SIPA1L1: variants seen among roughly 807,000 people sequenced by gnomAD.
The protein encoded by SIPA1L1 is signal induced proliferation associated 1 like 1.
In SIPA1L1, 26 loss-of-function variants were observed where a neutral mutation model predicts 162.7. That is an observed-to-expected ratio of 0.16 (90% CI 0.12 to 0.22). The LOEUF is 0.22. Among genes scored for constraint, SIPA1L1 ranks in the 10% least tolerant of loss-of-function variants. The pLI, the probability that SIPA1L1 is intolerant of heterozygous loss-of-function variation, is 1.00. For missense variants in SIPA1L1, 1,874 were observed against 2,241.0 expected, an observed-to-expected ratio of 0.84 and a Z score of 3.31; for synonymous variants, 829 against 837.4, an observed-to-expected ratio of 0.99 and a Z score of 0.17.
At chr14:71,610,394 A>G (rs539530393) in intron 5 of SIPA1L1, among the ~76,000 whole-genome samples, 2 of 152,344 alleles carry the variant, frequency 1.3e-5, no homozygotes, top group East Asian at 3.9e-4. Flanking sequence ...TGCTCTTAAG[A>G]AAGCTTAGAC....
intron 2 of SIPA1L1, among the ~76,000 whole-genome samples, chr14:71,355,696 G>T (rs1456826593): frequency 6.6e-6 from 1 of 152,230 alleles, no homozygotes; most frequent in Admixed American, 6.5e-5. Flanking sequence ...CATGGCAGAG[G>T]TGATGAAATT....
In SIPA1L1 at chr14:71,685,700, C is replaced by G; in HGVS notation, c.3374+69C>G. 4 of 1,562,412 alleles carry G rather than the reference C, an allele frequency of 2.6e-6. No homozygotes were observed. In the Admixed American group the frequency reaches 7.4e-5, roughly 29 times the overall value. On this transcript the variant is annotated intron_variant, in intron 13 of 23. Coordinates refer to ENST00000381232, the MANE Select transcript of SIPA1L1 (RefSeq NM_001386936.1). Reference sequence around the variant, plus strand: ...AATGTAAGTAACACAGACCCATAAGCACTAGTTTTAGGCCTTCTCATATTT... The same window carrying G: ...AATGTAAGTAACACAGACCCATAAGGACTAGTTTTAGGCCTTCTCATATTT...
At chr14:71,676,069 C>T (rs2045138332) in intron 12 of SIPA1L1, among the ~76,000 whole-genome samples, 1 of 134,012 alleles carries the variant, frequency 7.5e-6, no homozygotes, top group South Asian at 2.7e-4. Flanking sequence ...CCAGCCTGAG[C>T]AACATGGTGA....
intron 2 of SIPA1L1, among the ~76,000 whole-genome samples, chr14:71,380,121 G>T (rs1204225030): frequency 6.6e-6 from 1 of 152,162 alleles, no homozygotes; most frequent in African/African-American, 2.4e-5. Flanking sequence ...TCACAGAGTT[G>T]TTAAGGGTAT....
rs1415866319 is a variant in SIPA1L1 at position 71,739,699 on chromosome 14, TC to T, written c.*539del. 1.3e-5 allele frequency: 2 copies of T among 152,428 alleles called. No individual in the cohort carries two copies. The highest frequency in any genetic ancestry group is 4.8e-5 in the African/African-American group (2 of 41,462). The allele number at this position is 152,428 out of a possible 1,614,324, so 9.4% of individuals were successfully genotyped here. ...AAAATGCCTACCTCCCTTGAATGAC[TC>T]GTGCATGAGCTAGTGCTGTCTGTAC... On this transcript the variant is annotated 3_prime_UTR_variant, in exon 24 of 24. Coordinates refer to ENST00000381232, the MANE Select transcript of SIPA1L1 (RefSeq NM_001386936.1).
intron 2 of SIPA1L1, among the ~76,000 whole-genome samples, chr14:71,478,903 C>T (rs749354046): frequency 2.0e-5 from 3 of 152,008 alleles, no homozygotes; most frequent in Admixed American, 6.6e-5. Context: ...CTGTTGTCCC[C>T]GCTGTCCACC....
At position 71,685,772 on chromosome 14, in the gene SIPA1L1, C is replaced by A. The variant is rs534079083; in HGVS notation, c.3374+141C>A. On this transcript the variant is annotated intron_variant, in intron 13 of 23. Transcript: ENST00000381232. ...CTGAGGTGCATACCGTAGTGACTTT[C>A]AAAGCATGGTAGTGTTCCAAAGCCA... is the stretch of plus-strand genomic sequence containing the variant. 5.5e-5 allele frequency: 61 copies of A among 1,101,166 alleles called. No homozygotes were observed. In the South Asian group the frequency reaches 9.5e-4, roughly 17 times the overall value. The allele number at this position is 1,101,166 out of a possible 1,614,324, so 68.2% of individuals were successfully genotyped here. A position where few individuals can be genotyped will look rare whatever the true frequency, so the allele number is the denominator to read the frequency against.
intron 4 of SIPA1L1, among the ~76,000 whole-genome samples, chr14:71,583,321 A>G (rs1212059771): frequency 6.6e-6 from 1 of 152,162 alleles, no homozygotes; most frequent in African/African-American, 2.4e-5. Flanking sequence ...TCTGAAGTGT[A>G]TATCTCTGAA....
chr14:71,328,991 T>C (rs549225611), intron 2 of SIPA1L1, among the ~76,000 whole-genome samples: 1 of 152,348 alleles, frequency 6.6e-6, no homozygotes, highest in Non-Finnish European at 1.5e-5. Flanking sequence ...TGAATCTGGC[T>C]ACTTTAGGTA....
intron 3 of SIPA1L1, among the ~76,000 whole-genome samples, chr14:71,524,388 T>G (rs926324589): frequency 5.3e-5 from 8 of 152,246 alleles, no homozygotes; most frequent in Admixed American, 5.2e-4. Context: ...TAGGTTCCCC[T>G]TATATACTGG....
chr14:71,697,184 G>C (rs1398090771), intron 13 of SIPA1L1, among the ~76,000 whole-genome samples: 1 of 152,162 alleles, frequency 6.6e-6, no homozygotes, highest in Admixed American at 6.5e-5. Flanking sequence ...GGGGTGGAGA[G>C]AGCCTGGAAG....
intron 5 of SIPA1L1, among the ~76,000 whole-genome samples, chr14:71,608,909 A>C (rs974760962): frequency 2.6e-5 from 4 of 152,220 alleles, no homozygotes; most frequent in African/African-American, 4.8e-5. Context: ...AAAACAAAAC[A>C]AAAACAAACA....
chr14:71,702,546 A>G, intron 15 of SIPA1L1, 41 bp downstream of exon 15: 1 of 1,588,794 alleles, frequency 6.3e-7, no homozygotes, highest in Non-Finnish European at 8.6e-7. Flanking sequence ...TGCTTTTACA[A>G]GGTGACTTAG....
At chr14:71,360,111 A>G (rs2037660503) in intron 2 of SIPA1L1, among the ~76,000 whole-genome samples, 1 of 152,204 alleles carries the variant, frequency 6.6e-6, no homozygotes, top group South Asian at 2.1e-4. Context: ...CATTTCTACT[A>G]ATCTAAACTT....
At chr14:71,457,156 C>G (rs1195838997) in intron 2 of SIPA1L1, among the ~76,000 whole-genome samples, 4 of 152,128 alleles carry the variant, frequency 2.6e-5, no homozygotes, top group Non-Finnish European at 5.9e-5. Flanking sequence ...TATTTCCTGC[C>G]TTCTTCAAAT....
chr14:71,424,345 G>C (rs2043405338), intron 2 of SIPA1L1, among the ~76,000 whole-genome samples: 1 of 152,004 alleles, frequency 6.6e-6, no homozygotes, highest in Admixed American at 6.6e-5. Flanking sequence ...TTCTTGCCTT[G>C]TTCGTGATGT....
At position 71,377,987 on chromosome 14, in the gene SIPA1L1, A is replaced by AG. The variant is rs1276563782; in HGVS notation, c.-465+56811dup. ...AAAGCAGGAGATGGAGACGAGGGAGAGGGGGAGACAGTGGAAAGAAGGAGA... is the reference window on the plus strand; with the variant it reads ...AAAGCAGGAGATGGAGACGAGGGAGAGGGGGGAGACAGTGGAAAGAAGGAGA... On this transcript the variant is annotated intron_variant, in intron 2 of 23. Coordinates refer to ENST00000381232, the MANE Select transcript of SIPA1L1 (RefSeq NM_001386936.1). This position sits in a 1 kb window ranked among gnomAD's most constrained non-coding sequence, Gnocchi z 4.8. Among the ~76,000 whole-genome samples, 1 of 152,054 alleles carries AG rather than the reference A, an allele frequency of 6.6e-6. No homozygotes were observed. Among genetic ancestry groups the AG allele is most frequent in the Non-Finnish European group, 1.5e-5 (1 of 68,002 alleles).
At chr14:71,671,901 CTGTGTGTGTGTGTGTGTGTG>C (rs34919280) in intron 11 of SIPA1L1, among the ~76,000 whole-genome samples, 4 of 142,592 alleles carry the variant, frequency 2.8e-5, no homozygotes, top group African/African-American at 5.2e-5. Flanking sequence ...CACATTTACT[CTGTGTGTGTGTGTGTGTGTG>C]TGTGTGTGTG....
At chr14:71,606,794 G>A (rs921410234) in intron 5 of SIPA1L1, among the ~76,000 whole-genome samples, 2 of 152,086 alleles carry the variant, frequency 1.3e-5, no homozygotes, top group East Asian at 1.9e-4. Flanking sequence ...ATGTCGTTAT[G>A]TAAGATGTTA....
Sources: allele counts gnomAD v4.1 joint callset (sites outside exome capture counted in the v4.1 genomes callset), GRCh38; gene constraint gnomAD v4.1.1; non-coding constraint Gnocchi (gnomAD v3.1); transcripts MANE v1.5; gene names NCBI Gene and HGNC (gene_info 2026-07-23, HGNC 2026-07-21).